The following MINDY2 variants were observed in gnomAD, a reference collection of about 807,000 sequenced individuals.
MINDY2 encodes ubiquitin carboxyl-terminal hydrolase MINDY-2.
In MINDY2, 52 loss-of-function variants were observed where a neutral mutation model predicts 68.2. That is an observed-to-expected ratio of 0.76 (90% confidence interval 0.61 to 0.96). The LOEUF is 0.96. MINDY2 is among the 40% of genes least tolerant of loss of function. MINDY2 has a pLI of 0.00. For missense variants in MINDY2, 881 were observed against 773.4 expected (o/e 1.14, Z -1.65); for synonymous variants, 372 against 303.0 (o/e 1.23, Z -2.36).
Position 58,854,491 on chromosome 15 carries a change from C to T in MINDY2, c.1747C>T (p.Pro583Ser). Reference protein sequence around the residue: ...AASTQAQQGQPAQASPSSGRQ... With the variant: ...AASTQAQQGQSAQASPSSGRQ... ...TATATTTTTCTTAAAGCAGGGCCAG[C>T]CAGCACAAGCCTCTCCATCAAGTGG... is the stretch of plus-strand genomic sequence containing the variant. Residue 583 changes from proline to serine, a missense_variant, in exon 9 of 9, where the codon CCA (proline) becomes TCA (serine). Transcript: ENST00000559228. 6.2e-7 allele frequency: 1 copy of T among 1,611,326 alleles called. No individual in the cohort carries two copies. Among genetic ancestry groups the T allele is most frequent in the African/African-American group, 1.3e-5 (1 of 74,846 alleles).
intron 5 of MINDY2, among the ~76,000 whole-genome samples, chr15:58,822,468 A>G (rs1399126134): frequency 6.6e-6 from 1 of 152,192 alleles, no homozygotes. Context: ...AATGGACTTT[A>G]TCATTGATCC....
chr15:58,789,643 G>C (rs1901751797), intron 2 of MINDY2, among the ~76,000 whole-genome samples: 1 of 151,210 alleles, frequency 6.6e-6, no homozygotes, highest in East Asian at 1.9e-4. Context: ...TTTTTGGTTT[G>C]TTTTTGTTTT....
chr15:58,778,362 G>C (rs1471617120), intron 1 of MINDY2, among the ~76,000 whole-genome samples: 5 of 151,736 alleles, frequency 3.3e-5, no homozygotes, highest in Non-Finnish European at 7.4e-5. Flanking sequence ...TCTTTGCTTA[G>C]TATAAGCTGA....
At chr15:58,817,186 A>G (rs942414309) in intron 4 of MINDY2, among the ~76,000 whole-genome samples, 3 of 152,214 alleles carry the variant, frequency 2.0e-5, no homozygotes, top group Non-Finnish European at 4.4e-5. Context: ...CAAGCCACAG[A>G]GTAGAAGATG....
At chr15:58,826,750 T>C (rs1315770865) in intron 5 of MINDY2, among the ~76,000 whole-genome samples, 1 of 152,198 alleles carries the variant, frequency 6.6e-6, no homozygotes, top group African/African-American at 2.4e-5. Context: ...ATGCCCCTAA[T>C]AGCTTTTAAT....
intron 2 of MINDY2, among the ~76,000 whole-genome samples, chr15:58,798,558 C>T (rs757705930): frequency 5.3e-5 from 8 of 151,554 alleles, no homozygotes; most frequent in Non-Finnish European, 1.0e-4. Flanking sequence ...TGGGTTCAAG[C>T]GATTATCTCA....
chr15:58,792,062 A>AT (rs1472133396), intron 2 of MINDY2, among the ~76,000 whole-genome samples: 2 of 152,172 alleles, frequency 1.3e-5, no homozygotes, highest in Non-Finnish European at 2.9e-5. Context: ...AATACTAAAA[A>AT]TTGACTGTTG....
At chr15:58,841,180 A>G (rs1372254146) in intron 6 of MINDY2, among the ~76,000 whole-genome samples, 52 of 150,774 alleles carry the variant, frequency 3.4e-4, no homozygotes, top group Non-Finnish European at 5.9e-4. Context: ...ACAGAGTTTC[A>G]CCATGTTGAC....
chr15:58,839,256 T>G (rs574339897), intron 6 of MINDY2, among the ~76,000 whole-genome samples: 18 of 152,288 alleles, frequency 1.2e-4, no homozygotes, highest in South Asian at 2.1e-4. Context: ...TACATCTCTA[T>G]TCTAACTCCC....
intron 3 of MINDY2, among the ~76,000 whole-genome samples, chr15:58,805,638 A>C (rs922341349): frequency 6.6e-6 from 1 of 152,246 alleles, no homozygotes; most frequent in Non-Finnish European, 1.5e-5. Context: ...CCTTCTTGTG[A>C]GGTAAGCAAC....
At chr15:58,798,046 C>G (rs1259371892) in intron 2 of MINDY2, among the ~76,000 whole-genome samples, 9 of 152,176 alleles carry the variant, frequency 5.9e-5, no homozygotes, top group African/African-American at 1.7e-4. Flanking sequence ...ATACATCCCT[C>G]TTACACCTCT....
chr15:58,772,212 A>G lies in MINDY2; in HGVS notation c.817A>G (p.Asn273Asp). 6.2e-7 allele frequency: 1 copy of G among 1,612,440 alleles called. No individual in the cohort carries two copies. The highest frequency in any genetic ancestry group is 8.5e-7 in the Non-Finnish European group (1 of 1,180,006). Reference sequence around the variant, plus strand: ...ACCCTGCCCCTTGCTGGCCATCCTCAATGTTTTGCTCCTGGCCTGGAAGGT... The same window carrying G: ...ACCCTGCCCCTTGCTGGCCATCCTCGATGTTTTGCTCCTGGCCTGGAAGGT... ...NGPCPLLAIL[N>D]VLLLAWKVKL... Residue 273 changes from asparagine to aspartate, a missense_variant, in exon 1 of 9, where the codon AAT becomes GAT. Asn to Asp is a conservative substitution (Grantham distance 23). Coordinates refer to ENST00000559228, the MANE Select transcript of MINDY2 (RefSeq NM_001040450.3).
intron 1 of MINDY2, among the ~76,000 whole-genome samples, chr15:58,776,341 C>T (rs1372932270): frequency 6.6e-6 from 1 of 152,044 alleles, no homozygotes; most frequent in African/African-American, 2.4e-5. Context: ...CTACCTCATT[C>T]TCCAGGAGAC....
At chr15:58,844,041 T>G (rs1479695861) in intron 6 of MINDY2, among the ~76,000 whole-genome samples, 1 of 152,098 alleles carries the variant, frequency 6.6e-6, no homozygotes. Context: ...TTTTCAGTAT[T>G]TTAAAAACTG....
intron 2 of MINDY2, among the ~76,000 whole-genome samples, chr15:58,789,851 T>C (rs1413595154): frequency 6.6e-6 from 1 of 152,136 alleles, no homozygotes; most frequent in Non-Finnish European, 1.5e-5. Context: ...TTCTCCATGT[T>C]GGTCAGGCTT....
Position 58,790,596 on chromosome 15 carries a change from A to T in MINDY2, c.898+2633A>T, listed in dbSNP as rs376052006. ...TTGACAATAGACCTTAGTGGGGGGTAAGACAAGTGGGAAAACTATTTAGGA... is the reference window on the plus strand; with the variant it reads ...TTGACAATAGACCTTAGTGGGGGGTTAGACAAGTGGGAAAACTATTTAGGA... On this transcript the variant is annotated intron_variant, in intron 2 of 8. Coordinates refer to ENST00000559228, the MANE Select transcript of MINDY2 (RefSeq NM_001040450.3). Among the ~76,000 whole-genome samples, 340 of 152,310 alleles carry T rather than the reference A, an allele frequency of 2.2e-3. 1 individual carries two copies. The highest frequency in any genetic ancestry group is 7.6e-3 in the African/African-American group (317 of 41,576).
intron 4 of MINDY2, among the ~76,000 whole-genome samples, chr15:58,819,552 TACTC>T (rs2030926872): frequency 6.6e-6 from 1 of 152,162 alleles, no homozygotes; most frequent in African/African-American, 2.4e-5. Flanking sequence ...TTTGCTGTGT[TACTC>T]AGACTGGTCT....
chr15:58,827,055 G>A lies in MINDY2; in HGVS notation c.1226-4719G>A, dbSNP rs533737579. On this transcript the variant is annotated intron_variant, in intron 5 of 8. Transcript: ENST00000559228. Reference sequence around the variant, plus strand: ...ATTATTTCCTCATTAGTAGATTCAGGTTATATATTTTTGGCAGGGATGCTA... The same window carrying A: ...ATTATTTCCTCATTAGTAGATTCAGATTATATATTTTTGGCAGGGATGCTA... Among the ~76,000 whole-genome samples the A allele has an allele frequency of 7.9e-5, 12 of 152,208 alleles. No individual in the cohort carries two copies. The South Asian group carries it at 2.5e-3, about 32-fold the overall frequency.
chr15:58,804,893 TGAGGCAG>T (rs1902913194), intron 3 of MINDY2, among the ~76,000 whole-genome samples: 1 of 152,002 alleles, frequency 6.6e-6, no homozygotes, highest in African/African-American at 2.4e-5. Context: ...CTCAGGAGAC[TGAGGCAG>T]GAGGATTACT....
Sources: gnomAD v4.1 joint callset for allele counts (sites outside exome capture counted in the v4.1 genomes callset) on GRCh38, gnomAD v4.1.1 for gene constraint, MANE v1.5 for transcripts, NCBI Gene and HGNC (gene_info 2026-07-23, HGNC 2026-07-21) for gene names.